The following LOC128462377 variants were observed in gnomAD, a reference collection of about 807,000 sequenced individuals.
chr16:89,335,386 A>T, the LOC128462377 span, among the ~76,000 whole-genome samples: 10 of 152,324 alleles, frequency 6.6e-5, no homozygotes, highest in African/African-American at 2.4e-4. Flanking sequence ...AGGTCCCAGA[A>T]GCATGGGAGC....
chr16:89,375,614 C>T, the LOC128462377 span, among the ~76,000 whole-genome samples: 1 of 151,918 alleles, frequency 6.6e-6, no homozygotes, highest in African/African-American at 2.4e-5. Context: ...CCACCACGCC[C>T]AGTTAATTTT....
At chr16:89,338,393 G>C in the LOC128462377 span, among the ~76,000 whole-genome samples, 1 of 147,670 alleles carries the variant, frequency 6.8e-6, no homozygotes, top group Admixed American at 6.8e-5. Flanking sequence ...AAGGGCCTGA[G>C]TGGAAATCCT....
At chr16:89,392,344 A>G in the LOC128462377 span, 2 of 152,434 alleles carry the variant, frequency 1.3e-5, no homozygotes, top group African/African-American at 4.8e-5. Context: ...CTGATGGCCC[A>G]TTCCTGAAGG....
chr16:89,413,777 G>T, the LOC128462377 span, among the ~76,000 whole-genome samples: 2 of 152,302 alleles, frequency 1.3e-5, no homozygotes, highest in Admixed American at 1.3e-4. Context: ...AAGCTCCCCA[G>T]GGGTGAGGGT....
At chr16:89,375,768 TA>T in the LOC128462377 span, among the ~76,000 whole-genome samples, 71,354 of 84,530 alleles carry the variant, frequency 0.84, 30,447 homozygotes, top group East Asian at 0.95. Context: ...CTCCGTCTCT[TA>T]AAAAAAAAAA....
chr16:89,375,770 A>T, the LOC128462377 span, among the ~76,000 whole-genome samples: 2 of 4,122 alleles, frequency 4.9e-4, no homozygotes, highest in Non-Finnish European at 2.1e-3. Context: ...CCGTCTCTTA[A>T]AAAAAAAAAA....
chr16:89,331,855 T>TG, the LOC128462377 span, among the ~76,000 whole-genome samples: 1 of 152,184 alleles, frequency 6.6e-6, no homozygotes, highest in Non-Finnish European at 1.5e-5. Context: ...GCGGATGCAA[T>TG]GGTGTGGACT....
At chr16:89,318,734 C>T in the LOC128462377 span, among the ~76,000 whole-genome samples, 6 of 152,192 alleles carry the variant, frequency 3.9e-5, no homozygotes, top group African/African-American at 4.8e-5. Context: ...ATGATAAAAT[C>T]CCACCAACTG....
chr16:89,366,296 G>A, the LOC128462377 span, among the ~76,000 whole-genome samples: 16 of 152,110 alleles, frequency 1.1e-4, no homozygotes, highest in African/African-American at 2.2e-4. Context: ...ACATTCGCCC[G>A]CATGTGTCTT....
At chr16:89,404,451 T>C in the LOC128462377 span, among the ~76,000 whole-genome samples, 1 of 152,242 alleles carries the variant, frequency 6.6e-6, no homozygotes, top group Non-Finnish European at 1.5e-5. Flanking sequence ...CCTCTGCTTT[T>C]AAAGGATTAA....
the LOC128462377 span, among the ~76,000 whole-genome samples, chr16:89,348,945 T>G: frequency 1.3e-5 from 2 of 148,374 alleles, no homozygotes; most frequent in East Asian, 2.0e-4. Flanking sequence ...CTCGTCAACA[T>G]GGTGAAGCCT....
chr16:89,362,021 G>T, the LOC128462377 span, among the ~76,000 whole-genome samples: 2 of 152,166 alleles, frequency 1.3e-5, no homozygotes, highest in Admixed American at 1.3e-4. Context: ...TTTATGGGAG[G>T]GGGCAAGACT....
chr16:89,416,300 G>A, the LOC128462377 span, among the ~76,000 whole-genome samples: 1 of 151,846 alleles, frequency 6.6e-6, no homozygotes, highest in South Asian at 2.1e-4. Context: ...TGAATCCATC[G>A]ATTTTTTTTT....
the LOC128462377 span, among the ~76,000 whole-genome samples, chr16:89,408,434 C>T: frequency 6.6e-6 from 1 of 152,236 alleles, no homozygotes; most frequent in Non-Finnish European, 1.5e-5. Flanking sequence ...GGTACACAGG[C>T]CGTTAGAAAC....
the LOC128462377 span, among the ~76,000 whole-genome samples, chr16:89,358,302 T>C: frequency 6.6e-6 from 1 of 152,232 alleles, no homozygotes; most frequent in African/African-American, 2.4e-5. Flanking sequence ...TTCCCTTCTG[T>C]TGGCCACATC....
the LOC128462377 span, among the ~76,000 whole-genome samples, chr16:89,399,985 G>T: frequency 6.6e-6 from 1 of 151,040 alleles, no homozygotes; most frequent in Non-Finnish European, 1.5e-5. Flanking sequence ...GGCTTCCTGC[G>T]CTGGGGGCCG....
chr16:89,351,700 A>G, the LOC128462377 span, among the ~76,000 whole-genome samples: 1 of 152,206 alleles, frequency 6.6e-6, no homozygotes, highest in Non-Finnish European at 1.5e-5. Flanking sequence ...CATGGACACA[A>G]AATGACCAGA....
chr16:89,410,536 T>C, the LOC128462377 span, among the ~76,000 whole-genome samples: 9 of 152,238 alleles, frequency 5.9e-5, 1 homozygote, highest in East Asian at 1.2e-3. Flanking sequence ...GCCCCCGGGC[T>C]ACAAAGGCCA....
chr16:89,368,057 G>A, the LOC128462377 span, among the ~76,000 whole-genome samples: 15 of 152,148 alleles, frequency 9.9e-5, no homozygotes, highest in African/African-American at 1.7e-4. Flanking sequence ...GCTGTGCTCC[G>A]TTTATCTGAA....
Sources: gnomAD v4.1 joint callset for allele counts (sites outside exome capture counted in the v4.1 genomes callset) on GRCh38, gnomAD v4.1.1 for gene constraint, MANE v1.5 for transcripts.